The following FHIT variants were observed in gnomAD, a reference collection of about 807,000 sequenced individuals.
FHIT encodes the protein bis(5'-adenosyl)-triphosphatase.
FHIT carries 19 observed loss-of-function variants against 17.9 expected under a neutral mutation model. That is an observed-to-expected ratio of 1.06 (90% CI 0.74 to 1.56). FHIT has a LOEUF of 1.56. Ranked by LOEUF, FHIT falls within the 40% of genes most tolerant of loss-of-function variation. The probability of loss-of-function intolerance (pLI) is 0.00; values close to 1 mark genes in which losing one functional copy is unlikely to be tolerated. For synonymous variants in FHIT, 81 were observed against 69.7 expected (o/e 1.16, Z -0.81); for missense variants, 248 against 189.2 (o/e 1.31, Z -1.82).
intron 5 of FHIT, among the ~76,000 whole-genome samples, chr3:60,049,226 T>A (rs1249263588): frequency 6.6e-6 from 1 of 152,258 alleles, no homozygotes; most frequent in African/African-American, 2.4e-5. Flanking sequence ...TTCTTCTATT[T>A]GTTTACATCA....
intron 1 of FHIT, among the ~76,000 whole-genome samples, chr3:61,244,533 A>G (rs1186032348): frequency 6.6e-6 from 1 of 152,186 alleles, no homozygotes; most frequent in African/African-American, 2.4e-5. Flanking sequence ...TTGAGAAGAC[A>G]GCAGAAGCCA....
chr3:60,302,988 C>T (rs1467667597), intron 5 of FHIT, among the ~76,000 whole-genome samples: 2 of 152,138 alleles, frequency 1.3e-5, no homozygotes, highest in Non-Finnish European at 2.9e-5. Flanking sequence ...CTCCCCTGTT[C>T]GTCACAGTTA....
intron 5 of FHIT, among the ~76,000 whole-genome samples, chr3:60,218,412 G>C (rs533146640): frequency 6.6e-6 from 1 of 152,252 alleles, no homozygotes; most frequent in African/African-American, 2.4e-5. Flanking sequence ...CATAAGCAAT[G>C]TGTCAATTAT....
At chr3:59,761,421 C>T (rs1015326593) in intron 8 of FHIT, among the ~76,000 whole-genome samples, 6 of 152,068 alleles carry the variant, frequency 3.9e-5, no homozygotes, top group Non-Finnish European at 7.4e-5. Flanking sequence ...TAGTACTGAA[C>T]CCTATGTATG....
chr3:60,636,435 GT>G (rs1553683887), intron 4 of FHIT, among the ~76,000 whole-genome samples: 1 of 144,628 alleles, frequency 6.9e-6, no homozygotes, highest in African/African-American at 2.5e-5. Context: ...ACTTGGGCAT[GT>G]CCTACAGTTA....
intron 3 of FHIT, among the ~76,000 whole-genome samples, chr3:60,885,923 A>G (rs1705201848): frequency 6.7e-6 from 1 of 150,234 alleles, no homozygotes; most frequent in African/African-American, 2.5e-5. Context: ...CTGACTTACC[A>G]TATTCATTTA....
Position 60,929,249 on chromosome 3 carries a change from A to G in FHIT, c.-110-107238T>C, listed in dbSNP as rs552132350. Among the ~76,000 whole-genome samples the G allele has an allele frequency of 2.0e-5, 3 of 152,318 alleles. No individual in the cohort carries two copies. In the East Asian group the frequency reaches 5.8e-4, roughly 29 times the overall value. ...AGCTATCTATGACAAACCCACAGCC[A>G]ATATCATACTGAATGGGCAAAAACT... On this transcript the variant is annotated intron_variant, in intron 3 of 9. Coordinates refer to ENST00000492590, the MANE Select transcript of FHIT (RefSeq NM_002012.4).
intron 7 of FHIT, among the ~76,000 whole-genome samples, chr3:59,986,326 C>G (rs1015307878): frequency 1.3e-5 from 2 of 151,036 alleles, no homozygotes; most frequent in South Asian, 4.2e-4. Flanking sequence ...TAAGAAACAC[C>G]ACATGTACAA....
At chr3:60,292,988 T>C (rs1482553435) in intron 5 of FHIT, among the ~76,000 whole-genome samples, 1 of 152,154 alleles carries the variant, frequency 6.6e-6, no homozygotes, top group African/African-American at 2.4e-5. Context: ...ACATTCTCCA[T>C]AGCAACACTA....
intron 7 of FHIT, among the ~76,000 whole-genome samples, chr3:59,988,106 T>G (rs2630169): frequency 0.99 from 150,983 of 152,148 alleles, 74,923 homozygotes; most frequent in Middle Eastern, 1. Context: ...AAAGTGTGAG[T>G]CTCTGACTCT....
chr3:60,602,578 G>T (rs1553669181), intron 4 of FHIT, among the ~76,000 whole-genome samples: 2 of 151,958 alleles, frequency 1.3e-5, no homozygotes, highest in Admixed American at 1.3e-4. Context: ...AACAATCCTG[G>T]CATCTAGAAA....
At chr3:60,689,706 T>C (rs2040942809) in intron 4 of FHIT, among the ~76,000 whole-genome samples, 1 of 152,206 alleles carries the variant, frequency 6.6e-6, no homozygotes, top group African/African-American at 2.4e-5. Flanking sequence ...TTTAAAACTT[T>C]CAAATATTTA....
chr3:60,137,647 C>A, intron 5 of FHIT, among the ~76,000 whole-genome samples: 1 of 152,174 alleles, frequency 6.6e-6, no homozygotes, highest in South Asian at 2.1e-4. Flanking sequence ...GGCAACAATA[C>A]CTGAAACTCT....
chr3:60,464,048 C>T lies in FHIT; in HGVS notation c.103+72812G>A, dbSNP rs2032641709. Among the ~76,000 whole-genome samples the T allele has an allele frequency of 2.0e-5, 3 of 152,140 alleles. No homozygotes were observed. The South Asian group carries it at 6.2e-4, about 32-fold the overall frequency. On this transcript the variant is annotated intron_variant, in intron 5 of 9. Transcript: ENST00000492590. ...GCACAGTTTGGAATCATCATCATAA[C>T]ATCCTAATATGCCTTGAAATCCTGT...
chr3:60,860,173 T>C (rs1348011557), intron 3 of FHIT, among the ~76,000 whole-genome samples: 1 of 86,564 alleles, frequency 1.2e-5, no homozygotes, highest in Non-Finnish European at 2.4e-5. Flanking sequence ...ATCATATGTA[T>C]ATATGGTATA....
At chr3:60,065,607 A>T (rs1436708981) in intron 5 of FHIT, among the ~76,000 whole-genome samples, 1 of 152,220 alleles carries the variant, frequency 6.6e-6, no homozygotes, top group East Asian at 1.9e-4. Flanking sequence ...TTTACACAGC[A>T]AGAAAGTGAG....
At chr3:61,186,268 C>G (rs1476710226) in intron 2 of FHIT, among the ~76,000 whole-genome samples, 1 of 152,184 alleles carries the variant, frequency 6.6e-6, no homozygotes, top group Non-Finnish European at 1.5e-5. Context: ...GCTGCCTGCC[C>G]TGTACTCCAC....
intron 3 of FHIT, among the ~76,000 whole-genome samples, chr3:60,973,604 G>C (rs1710117157): frequency 1.3e-5 from 2 of 152,112 alleles, no homozygotes; most frequent in Admixed American, 1.3e-4. Flanking sequence ...AAAATCTTAA[G>C]TTACGCTCCT....
At chr3:61,105,620 T>C (rs1034841809) in intron 2 of FHIT, among the ~76,000 whole-genome samples, 10 of 152,042 alleles carry the variant, frequency 6.6e-5, no homozygotes, top group African/African-American at 1.4e-4. Flanking sequence ...AAGTCTGGGA[T>C]CAACTCTCCC....
Sources: allele counts gnomAD v4.1 joint callset (sites outside exome capture counted in the v4.1 genomes callset), GRCh38; gene constraint gnomAD v4.1.1; transcripts MANE v1.5; gene names NCBI Gene and HGNC (gene_info 2026-07-23, HGNC 2026-07-21).